DOCK3: variants seen among roughly 807,000 people sequenced by gnomAD.
The protein encoded by DOCK3 is dedicator of cytokinesis 3, also known as dedicator of cytokinesis protein 3.
Under a neutral mutation model 265.6 loss-of-function variants are expected in DOCK3, and 60 were observed. That is an observed-to-expected ratio of 0.23 (90% CI 0.18 to 0.28). DOCK3 has a LOEUF of 0.28. Ranked by LOEUF, DOCK3 falls within the 10% of genes least tolerant of loss-of-function variation. The pLI is 1.00. For missense variants in DOCK3, 1,981 were observed against 2,594.3 expected, an observed-to-expected ratio of 0.76 and a Z score of 5.14; for synonymous variants, 881 against 938.0, an observed-to-expected ratio of 0.94 and a Z score of 1.11.
chr3:51,071,936 C>T (rs2081889408), intron 6 of DOCK3, among the ~76,000 whole-genome samples: 1 of 152,148 alleles, frequency 6.6e-6, no homozygotes, highest in African/African-American at 2.4e-5. Flanking sequence ...GCAAACTACC[C>T]TTTATCCATT....
At chr3:50,903,502 C>G (rs912958460) in intron 4 of DOCK3, among the ~76,000 whole-genome samples, 2 of 152,142 alleles carry the variant, frequency 1.3e-5, no homozygotes, top group African/African-American at 4.8e-5. Flanking sequence ...AGCCTTGCAT[C>G]CCAAGGATGA....
intron 5 of DOCK3, among the ~76,000 whole-genome samples, chr3:50,971,236 G>T (rs1448478511): frequency 5.3e-5 from 8 of 150,842 alleles, no homozygotes; most frequent in Non-Finnish European, 1.0e-4. Context: ...ATCCTTTGGG[G>T]GTGTTGTAAT....
Position 51,229,601 on chromosome 3 carries a change from A to G in DOCK3, c.1909A>G (p.Ile637Val). The change falls in exon 19 of 53, where the codon ATT becomes GTT. Residue 637 changes from isoleucine (I) to valine (V), a missense_variant. Coordinates refer to ENST00000266037, the MANE Select transcript of DOCK3 (RefSeq NM_004947.5). ...GCTGCGGCATGTCAGTGGGGAGGAA[A>G]TTGTTAAGGTATGTCTTCCATATAA... Reference protein sequence around the residue: ...GRLRHVSGEEIVKFLQDILDT... With the variant: ...GRLRHVSGEEVVKFLQDILDT... 3 of 1,603,890 alleles carry G rather than the reference A, an allele frequency of 1.9e-6. No homozygotes were observed. Among genetic ancestry groups the G allele is most frequent in the Non-Finnish European group, 2.6e-6 (3 of 1,175,184 alleles).
intron 5 of DOCK3, among the ~76,000 whole-genome samples, chr3:51,027,270 T>C (rs2079861501): frequency 6.6e-6 from 1 of 152,186 alleles, no homozygotes; most frequent in Non-Finnish European, 1.5e-5. Context: ...AGAGTTCCTC[T>C]TGGTATCGAT....
At chr3:51,060,258 A>G (rs2081365769) in intron 5 of DOCK3, among the ~76,000 whole-genome samples, 1 of 151,788 alleles carries the variant, frequency 6.6e-6, no homozygotes, top group African/African-American at 2.4e-5. Context: ...GCCAATTCTC[A>G]GTTCATATTT....
At chr3:51,037,466 A>G (rs1399931964) in intron 5 of DOCK3, among the ~76,000 whole-genome samples, 1 of 152,094 alleles carries the variant, frequency 6.6e-6, no homozygotes, top group Non-Finnish European at 1.5e-5. Context: ...GTTTTTATTC[A>G]TTCCTTTCCA....
At chr3:51,233,876 C>T (rs1174350223) in intron 19 of DOCK3, among the ~76,000 whole-genome samples, 1 of 152,188 alleles carries the variant, frequency 6.6e-6, no homozygotes, top group Non-Finnish European at 1.5e-5. Context: ...TGCTGATCAA[C>T]ACCTAGATTG....
rs1559977296 is a variant in DOCK3 at position 51,041,175 on chromosome 3, TATATATATATATATATATATATATA to T, written c.316-23272_316-23248del. On this transcript the variant is annotated intron_variant, in intron 5 of 52. Coordinates refer to ENST00000266037, the MANE Select transcript of DOCK3 (RefSeq NM_004947.5). ...GCCTTACAAAATGTATATATATATATATATATATATATATATATATATATATATATTTTTTTTTTTTTTTTTTTTT... is the reference window on the plus strand; with the variant it reads ...GCCTTACAAAATGTATATATATATATTATATTTTTTTTTTTTTTTTTTTTT... Among the ~76,000 whole-genome samples the T allele has an allele frequency of 2.0e-3, 22 of 11,100 alleles. 1 individual carries two copies. Among genetic ancestry groups the T allele is most frequent in the African/African-American group, 6.2e-3 (22 of 3,544 alleles). 7.3% of individuals were successfully genotyped at this position (11,100 alleles called of 152,430 possible).
chr3:50,868,740 T>C (rs2107561198), intron 3 of DOCK3, among the ~76,000 whole-genome samples: 1 of 152,188 alleles, frequency 6.6e-6, no homozygotes, highest in South Asian at 2.1e-4. Flanking sequence ...TATTGTTTAA[T>C]ATTGGTAAGT....
intron 44 of DOCK3, 148 bp from the exon 45 acceptor site, chr3:51,357,607 CAGA>C (rs2086450445): frequency 1.4e-6 from 1 of 708,564 alleles, no homozygotes; most frequent in African/African-American, 1.8e-5. Context: ...CTCTAATTGC[CAGA>C]AGTTCAAACA....
chr3:51,258,604 C>T (rs768186770), intron 22 of DOCK3, among the ~76,000 whole-genome samples: 17 of 151,972 alleles, frequency 1.1e-4, no homozygotes, highest in Non-Finnish European at 2.2e-4. Context: ...CCTGGGTTCA[C>T]GCCATTCTCG....
intron 12 of DOCK3, among the ~76,000 whole-genome samples, chr3:51,174,144 A>G (rs1029801525): frequency 1.5e-4 from 23 of 151,888 alleles, no homozygotes; most frequent in African/African-American, 5.6e-4. Context: ...AGTTCCTTTG[A>G]TGGTTTCTAT....
chr3:51,161,227 G>A (rs992101472), intron 12 of DOCK3, among the ~76,000 whole-genome samples: 7 of 151,948 alleles, frequency 4.6e-5, no homozygotes, highest in African/African-American at 1.2e-4. Context: ...GGCGGATCAC[G>A]AGGTCAGGAG....
intron 1 of DOCK3, among the ~76,000 whole-genome samples, chr3:50,696,143 T>C (rs2035601881): frequency 6.6e-6 from 1 of 152,220 alleles, no homozygotes; most frequent in Admixed American, 6.5e-5. Flanking sequence ...TTACTCCTTT[T>C]ATAATTGGGG....
At chr3:51,353,131 A>G (rs2086114624) in intron 40 of DOCK3, among the ~76,000 whole-genome samples, 1 of 152,218 alleles carries the variant, frequency 6.6e-6, no homozygotes, top group African/African-American at 2.4e-5. Flanking sequence ...TATGAATGAT[A>G]TGAAAAGGCT....
At chr3:50,977,005 C>T (rs2108516017) in intron 5 of DOCK3, among the ~76,000 whole-genome samples, 1 of 149,692 alleles carries the variant, frequency 6.7e-6, no homozygotes, top group East Asian at 2.0e-4. Context: ...GGTAGATCTT[C>T]CTCCATCCTT....
chr3:50,858,028 C>T (rs1000476370), intron 3 of DOCK3, among the ~76,000 whole-genome samples: 2 of 152,130 alleles, frequency 1.3e-5, no homozygotes, highest in African/African-American at 4.8e-5. Context: ...GTAACCAACC[C>T]AAATGTCCAT....
At chr3:50,840,821 G>C (rs1373303421) in intron 2 of DOCK3, among the ~76,000 whole-genome samples, 1 of 152,208 alleles carries the variant, frequency 6.6e-6, no homozygotes, top group Non-Finnish European at 1.5e-5. Flanking sequence ...ATTGTTCTAA[G>C]TAGGAGCAAG....
chr3:50,824,561 A>G (rs1465302566), intron 2 of DOCK3, among the ~76,000 whole-genome samples: 1 of 152,140 alleles, frequency 6.6e-6, no homozygotes, highest in African/African-American at 2.4e-5. Flanking sequence ...TCAAACTGGT[A>G]TGTATCTTTT....
Sources: allele counts gnomAD v4.1 joint callset (sites outside exome capture counted in the v4.1 genomes callset), GRCh38; gene constraint gnomAD v4.1.1; transcripts MANE v1.5; gene names NCBI Gene and HGNC (gene_info 2026-07-23, HGNC 2026-07-21).